LANCL1: variants seen among roughly 807,000 people sequenced by gnomAD.
LANCL1 encodes glutathione S-transferase LANCL1.
In LANCL1, 50 loss-of-function variants were observed where a neutral mutation model predicts 50.6. The observed-to-expected ratio is 0.99, with a 90% CI of 0.79 to 1.25. LANCL1 has a LOEUF of 1.25. Ranked by LOEUF, LANCL1 falls within the 50% of genes most tolerant of loss-of-function variation. LANCL1 has a pLI of 0.00. For synonymous variants in LANCL1, 188 were observed against 178.6 expected, an observed-to-expected ratio of 1.05 and a Z score of -0.42; for missense variants, 532 against 480.7, an observed-to-expected ratio of 1.11 and a Z score of -1.00.
At chr2:210,459,511 CAATCTT>C (rs1693778060) in intron 3 of LANCL1, among the ~76,000 whole-genome samples, 1 of 152,040 alleles carries the variant, frequency 6.6e-6, no homozygotes, top group African/African-American at 2.4e-5. Flanking sequence ...ATTTAAAATT[CAATCTT>C]AGTCATGCTA....
At position 210,435,701 on chromosome 2, in the gene LANCL1, A is replaced by T. The variant is rs543985894; in HGVS notation, c.1051-242T>A. Among the ~76,000 whole-genome samples, 50 of 152,222 alleles carry T rather than the reference A, an allele frequency of 3.3e-4. No individual in the cohort carries two copies. The South Asian group carries it at 0.01, about 32-fold the overall frequency. On this transcript the variant is annotated intron_variant, in intron 8 of 9. Transcript: ENST00000450366. ...GAAGAAAGGCACAAAATCACCCTAC[A>T]TCTTTATTTTTTTCTCCCATTAATG...
chr2:210,438,376 C>G (rs890391701), intron 6 of LANCL1, among the ~76,000 whole-genome samples: 7 of 152,122 alleles, frequency 4.6e-5, no homozygotes, highest in African/African-American at 1.7e-4. Context: ...CTCAGATGAT[C>G]CGCCCACCTT....
chr2:210,465,698 T>C (rs1319091245), intron 3 of LANCL1, among the ~76,000 whole-genome samples: 1 of 151,884 alleles, frequency 6.6e-6, no homozygotes, highest in African/African-American at 2.4e-5. Flanking sequence ...CAAGGGTTGG[T>C]TTGATAATTA....
At chr2:210,460,206 C>T (rs191296700) in intron 3 of LANCL1, among the ~76,000 whole-genome samples, 9 of 152,242 alleles carry the variant, frequency 5.9e-5, no homozygotes, top group East Asian at 5.8e-4. Context: ...CTTTGTGCCA[C>T]GGTACTTTAG....
intron 4 of LANCL1, among the ~76,000 whole-genome samples, chr2:210,446,742 G>A (rs952654803): frequency 6.6e-6 from 1 of 151,884 alleles, no homozygotes; most frequent in Non-Finnish European, 1.5e-5. Flanking sequence ...TGATCAAGCA[G>A]AAGAAAGGAT....
intron 4 of LANCL1, among the ~76,000 whole-genome samples, chr2:210,448,264 C>T (rs560934160): frequency 3.3e-5 from 5 of 152,066 alleles, no homozygotes; most frequent in East Asian, 1.9e-4. Flanking sequence ...GGGTAAATAA[C>T]GAAATTAAGG....
At position 210,431,292 on chromosome 2, in the gene LANCL1, T is replaced by C. The variant is rs1692737903; in HGVS notation, c.*3195A>G. ...TTTTATTGAGAACTAGTAAGTCAAA[T>C]ACTTTACAGAACATAGAAATACATA... On this transcript the variant is annotated 3_prime_UTR_variant, in exon 10 of 10. Transcript: ENST00000450366. The C allele has an allele frequency of 6.6e-6, 1 of 152,224 alleles. No homozygotes were observed. Among genetic ancestry groups the C allele is most frequent in the South Asian group, 2.1e-4 (1 of 4,838 alleles). 9.4% of individuals were successfully genotyped at this position (152,224 alleles called of 1,614,324 possible).
At chr2:210,476,209 A>C (rs1050298802) in intron 2 of LANCL1, 107 bp downstream of exon 2, 15 of 624,614 alleles carry the variant, frequency 2.4e-5, no homozygotes, top group Non-Finnish European at 4.3e-5. Context: ...TCGTCGAATC[A>C]TGTATTTTTT....
At chr2:210,465,449 T>G (rs971410443) in intron 3 of LANCL1, among the ~76,000 whole-genome samples, 4 of 152,170 alleles carry the variant, frequency 2.6e-5, no homozygotes, top group African/African-American at 9.7e-5. Context: ...TGCCTGCCAT[T>G]TTAAGATAAA....
At chr2:210,470,230 C>A (rs1224643313) in intron 3 of LANCL1, among the ~76,000 whole-genome samples, 1 of 152,094 alleles carries the variant, frequency 6.6e-6, no homozygotes, top group Non-Finnish European at 1.5e-5. Flanking sequence ...GCTGTTATAC[C>A]TTCCTTCTTG....
intron 6 of LANCL1, among the ~76,000 whole-genome samples, chr2:210,438,521 A>C (rs759724606): frequency 4.6e-5 from 7 of 152,262 alleles, no homozygotes; most frequent in Non-Finnish European, 8.8e-5. Context: ...ATGTGAGTGT[A>C]AGAGAAGTTT....
chr2:210,435,518 G>A (rs1692897626), intron 8 of LANCL1, 59 bp from the exon 9 acceptor site: 2 of 1,288,572 alleles, frequency 1.6e-6, no homozygotes, highest in Non-Finnish European at 1.1e-6. Context: ...AACCCCAAAA[G>A]TTAAGAGGTT....
chr2:210,464,859 G>A (rs566762890), intron 3 of LANCL1, among the ~76,000 whole-genome samples: 16 of 150,478 alleles, frequency 1.1e-4, no homozygotes, highest in Admixed American at 4.0e-4. Context: ...CCAGCTACTC[G>A]GGAGGCTGAG....
At position 210,433,028 on chromosome 2, in the gene LANCL1, A is replaced by G. The variant is rs543864790; in HGVS notation, c.*1459T>C. 9 of 152,712 alleles carry G rather than the reference A, an allele frequency of 5.9e-5. No individual in the cohort carries two copies. In the South Asian group the frequency reaches 1.9e-3, roughly 32 times the overall value. The allele number at this position is 152,712 out of a possible 1,614,324, so 9.5% of individuals were successfully genotyped here. A position where few individuals can be genotyped will look rare whatever the true frequency, so the allele number is the denominator to read the frequency against. On this transcript the variant is annotated 3_prime_UTR_variant, in exon 10 of 10. Transcript: ENST00000450366. ...CTGCTACCTGCAGGAACCAGTACACACTCAGTGGGGATTTGGTTTGAAGTT... is the reference window on the plus strand; with the variant it reads ...CTGCTACCTGCAGGAACCAGTACACGCTCAGTGGGGATTTGGTTTGAAGTT...
chr2:210,461,188 T>C (rs1468842352), intron 3 of LANCL1, among the ~76,000 whole-genome samples: 4 of 152,034 alleles, frequency 2.6e-5, no homozygotes, highest in African/African-American at 7.2e-5. Context: ...TCAAGCCCAA[T>C]GGTGGTGTCT....
intron 4 of LANCL1, among the ~76,000 whole-genome samples, chr2:210,451,312 G>T (rs188489585): frequency 2.3e-4 from 35 of 152,092 alleles, no homozygotes; most frequent in African/African-American, 8.4e-4. Flanking sequence ...ATCACACACC[G>T]GGGCCTGTCA....
At chr2:210,470,148 A>C (rs1307013803) in intron 3 of LANCL1, among the ~76,000 whole-genome samples, 1 of 152,200 alleles carries the variant, frequency 6.6e-6, no homozygotes, top group Non-Finnish European at 1.5e-5. Context: ...ATAAATAGTA[A>C]TGTTCAACAT....
At chr2:210,471,052 T>G (rs1337284278) in intron 3 of LANCL1, among the ~76,000 whole-genome samples, 2 of 144,772 alleles carry the variant, frequency 1.4e-5, no homozygotes, top group African/African-American at 5.2e-5. Context: ...ATTTTTTTTT[T>G]TTTTTTTTTT....
rs1219996344 is a variant in LANCL1, at chr2:210,476,636, C to A, written c.-33G>T. On this transcript the variant is annotated 5_prime_UTR_variant, in exon 1 of 10. Transcript: ENST00000450366. Reference sequence around the variant, plus strand: ...TTAACCCACCCGGACAAAGAGGCCCCGTTTTGCAACCCCGTTCCCACGCCC... The same window carrying A: ...TTAACCCACCCGGACAAAGAGGCCCAGTTTTGCAACCCCGTTCCCACGCCC... 1 of 1,281,392 alleles carries A rather than the reference C, an allele frequency of 7.8e-7. No homozygotes were observed. The highest frequency in any genetic ancestry group is 9.9e-7 in the Non-Finnish European group (1 of 1,013,078). The allele number at this position is 1,281,392 out of a possible 1,614,324, so 79.4% of individuals were successfully genotyped here. A position where few individuals can be genotyped will look rare whatever the true frequency, so the allele number is the denominator to read the frequency against.
Sources: gnomAD v4.1 joint callset for allele counts (sites outside exome capture counted in the v4.1 genomes callset) on GRCh38, gnomAD v4.1.1 for gene constraint, MANE v1.5 for transcripts, NCBI Gene and HGNC (gene_info 2026-07-23, HGNC 2026-07-21) for gene names.